NAALADL2: variants seen among roughly 807,000 people sequenced by gnomAD.
The protein encoded by NAALADL2 is inactive N-acetylated-alpha-linked acidic dipeptidase-like protein 2.
Under a neutral mutation model 87.2 loss-of-function variants are expected in NAALADL2, and 76 were observed. The observed-to-expected ratio is 0.87, with a 90% CI of 0.72 to 1.05. The LOEUF (loss-of-function observed/expected upper bound fraction) is 1.05, where lower values mean the gene tolerates loss of function less well. Ranked by LOEUF, NAALADL2 falls within the 50% of genes least tolerant of loss-of-function variation. NAALADL2 has a pLI of 0.00. For missense variants in NAALADL2, 1,089 were observed against 945.8 expected (o/e 1.15, Z -1.99); for synonymous variants, 354 against 331.0 (o/e 1.07, Z -0.75).
At chr3:175,002,515 C>G (rs1748392925) in intron 1 of NAALADL2, among the ~76,000 whole-genome samples, 1 of 152,058 alleles carries the variant, frequency 6.6e-6, no homozygotes, top group Non-Finnish European at 1.5e-5. Context: ...TGAACCCATG[C>G]CACTTAATGA....
intron 5 of NAALADL2, among the ~76,000 whole-genome samples, chr3:175,363,448 T>C (rs1174186894): frequency 6.8e-6 from 1 of 147,440 alleles, no homozygotes; most frequent in Non-Finnish European, 1.5e-5. Flanking sequence ...CGCATGGCCA[T>C]GGGGAAGAGA....
Position 174,637,584 on chromosome 3 carries a change from A to G in NAALADL2, c.-115+86947A>G, listed in dbSNP as rs1175942414. 2.6e-5 allele frequency among the ~76,000 whole-genome samples: 4 copies of G among 152,272 alleles called. No individual in the cohort carries two copies. In the South Asian group the frequency reaches 6.2e-4, roughly 24 times the overall value. On this transcript the variant is annotated intron_variant, in intron 2 of 3. Transcript: ENST00000434257. ...GTACAAAATTCATAATGTTCACTGA[A>G]GAATATTTTTATTTGTGAACACTGT... is the stretch of plus-strand genomic sequence containing the variant.
chr3:174,606,253 AG>A (rs1394655546), intron 2 of NAALADL2, among the ~76,000 whole-genome samples: 4 of 152,238 alleles, frequency 2.6e-5, no homozygotes, highest in Admixed American at 6.5e-5. Context: ...AACTTTAAAA[AG>A]CAGAGCGCCT....
At chr3:175,392,505 C>G (rs113670274) in intron 5 of NAALADL2, among the ~76,000 whole-genome samples, 10 of 152,264 alleles carry the variant, frequency 6.6e-5, no homozygotes, top group African/African-American at 2.4e-4. Context: ...ACACCTATAC[C>G]TTTCCAATAA....
intron 1 of NAALADL2, among the ~76,000 whole-genome samples, chr3:174,871,899 A>AAATAAAT (rs1727873128): frequency 1.3e-5 from 2 of 151,754 alleles, no homozygotes; most frequent in African/African-American, 4.9e-5. Flanking sequence ...ACTCTGTTTC[A>AAATAAAT]AAATAAATAA....
At chr3:174,576,391 A>G (rs1232648805) in intron 2 of NAALADL2, among the ~76,000 whole-genome samples, 6 of 152,210 alleles carry the variant, frequency 3.9e-5, no homozygotes, top group Non-Finnish European at 7.4e-5. Flanking sequence ...AGGGGACTAT[A>G]GATATATTTC....
At chr3:175,463,357 T>C in intron 6 of NAALADL2, 44 bp from the exon 7 acceptor site, 2 of 1,225,954 alleles carry the variant, frequency 1.6e-6, no homozygotes, top group Non-Finnish European at 2.3e-6. Flanking sequence ...AAAAATACAA[T>C]AAAATATAAA....
At chr3:174,996,995 T>G (rs1350640977) in intron 1 of NAALADL2, among the ~76,000 whole-genome samples, 433 of 5,856 alleles carry the variant, frequency 0.074, 1 homozygote, top group Middle Eastern at 0.25. Flanking sequence ...TTCCAAGGGG[T>G]GTGTGTGTGT....
chr3:175,575,688 A>T (rs1192450152), intron 9 of NAALADL2, among the ~76,000 whole-genome samples: 2 of 152,192 alleles, frequency 1.3e-5, no homozygotes, highest in African/African-American at 4.8e-5. Flanking sequence ...AAAATGCTAC[A>T]CCTTTTTAGA....
intron 3 of NAALADL2, among the ~76,000 whole-genome samples, chr3:175,255,581 T>C (rs1242260670): frequency 6.6e-6 from 1 of 152,170 alleles, no homozygotes; most frequent in East Asian, 1.9e-4. Context: ...AAATAGATAT[T>C]ACAGAGAGTA....
chr3:175,400,700 G>A (rs577807888), intron 5 of NAALADL2, among the ~76,000 whole-genome samples: 1 of 152,216 alleles, frequency 6.6e-6, no homozygotes, highest in East Asian at 1.9e-4. Flanking sequence ...GGGTTGCAGA[G>A]TATATATTTT....
chr3:174,822,837 T>C (rs1016426925), intron 3 of NAALADL2, among the ~76,000 whole-genome samples: 4 of 152,144 alleles, frequency 2.6e-5, no homozygotes, highest in Non-Finnish European at 5.9e-5. Flanking sequence ...TAATATAGAC[T>C]CTTACTTTGT....
intron 11 of NAALADL2, among the ~76,000 whole-genome samples, chr3:175,713,301 AT>A (rs59029609): frequency 0.11 from 16,864 of 152,026 alleles, 3,087 homozygotes; most frequent in African/African-American, 0.38. Context: ...CCCAACAGTT[AT>A]TTTTTCATCA....
intron 2 of NAALADL2, among the ~76,000 whole-genome samples, chr3:174,697,533 C>G (rs1360526291): frequency 1.3e-5 from 2 of 151,886 alleles, no homozygotes; most frequent in African/African-American, 4.8e-5. Flanking sequence ...CAGCAAGATA[C>G]AAGGGTATGT....
chr3:175,323,048 T>C (rs1236309022), intron 4 of NAALADL2, among the ~76,000 whole-genome samples: 12 of 149,992 alleles, frequency 8.0e-5, no homozygotes, highest in Admixed American at 8.0e-4. Flanking sequence ...CGTATGTTTA[T>C]TGCGGCACTA....
At chr3:174,529,860 G>A (rs1027146648) in intron 1 of NAALADL2, among the ~76,000 whole-genome samples, 1 of 152,034 alleles carries the variant, frequency 6.6e-6, no homozygotes, top group Non-Finnish European at 1.5e-5. Flanking sequence ...CCCTGGGCCC[G>A]GCTCACAAAA....
intron 3 of NAALADL2, among the ~76,000 whole-genome samples, chr3:174,768,004 T>C (rs1714064422): frequency 6.6e-6 from 1 of 152,186 alleles, no homozygotes; most frequent in Non-Finnish European, 1.5e-5. Context: ...TTAGAAACTG[T>C]TACCTCAATT....
chr3:175,159,678 C>T (rs544976479), intron 2 of NAALADL2, among the ~76,000 whole-genome samples: 2 of 152,220 alleles, frequency 1.3e-5, no homozygotes, highest in South Asian at 4.2e-4. Flanking sequence ...CTACATGGGA[C>T]TATTTGAAAT....
chr3:174,978,174 C>G (rs1363807394), intron 1 of NAALADL2, among the ~76,000 whole-genome samples: 2 of 152,194 alleles, frequency 1.3e-5, no homozygotes, highest in African/African-American at 4.8e-5. Context: ...AGTCTGGGCT[C>G]TTAGCACTAT....
Sources: allele counts gnomAD v4.1 joint callset (sites outside exome capture counted in the v4.1 genomes callset), GRCh38; gene constraint gnomAD v4.1.1; transcripts MANE v1.5; gene names NCBI Gene and HGNC (gene_info 2026-07-23, HGNC 2026-07-21).